The following POLA1 variants were observed in gnomAD, a reference collection of about 807,000 sequenced individuals.
The protein encoded by POLA1 is DNA polymerase alpha 1, catalytic subunit.
POLA1 carries 15 observed loss-of-function variants against 124.0 expected under a neutral mutation model. The ratio of observed to expected loss-of-function variants is 0.12; its 90% CI spans 0.08 to 0.19. The LOEUF (loss-of-function observed/expected upper bound fraction) is 0.19. Ranked by LOEUF, POLA1 falls within the 10% of genes least tolerant of loss-of-function variation. The probability of loss-of-function intolerance (pLI) is 1.00; values close to 1 mark genes in which losing one functional copy is unlikely to be tolerated. For missense variants in POLA1, 886 were observed against 1,103.4 expected, an observed-to-expected ratio of 0.80 and a Z score of 2.79; for synonymous variants, 408 against 389.4, an observed-to-expected ratio of 1.05 and a Z score of -0.56.
chrX:24,805,984 C>T (rs999605261), intron 26 of POLA1, among the ~76,000 whole-genome samples: 1 of 96,225 alleles, frequency 1.0e-5, no homozygotes. Context: ...TGTGTTTCTT[C>T]AATGGGGAAA....
chrX:24,709,302 C>A (rs1335383854), intron 4 of POLA1, among the ~76,000 whole-genome samples: 1 of 98,553 alleles, frequency 1.0e-5, no homozygotes, highest in Non-Finnish European at 2.1e-5. Context: ...CTGACCCCCC[C>A]ACCTCCCTCC....
intron 26 of POLA1, among the ~76,000 whole-genome samples, chrX:24,753,394 C>A (rs1932430130): frequency 1.8e-5 from 2 of 108,307 alleles, no homozygotes; most frequent in Non-Finnish European, 3.8e-5. Flanking sequence ...ACTTTCTTGC[C>A]CAGGCTGGAG....
chrX:24,747,600 G>T (rs1408812256), intron 24 of POLA1, among the ~76,000 whole-genome samples: 2 of 111,218 alleles, frequency 1.8e-5, no homozygotes, highest in Admixed American at 9.6e-5. Context: ...TAAAATAGTA[G>T]TTTAGCTGCT....
At chrX:24,992,799 G>A (rs1448212297) in intron 36 of POLA1, among the ~76,000 whole-genome samples, 1 of 112,622 alleles carries the variant, frequency 8.9e-6, no homozygotes, top group Non-Finnish European at 1.9e-5. Context: ...CATTTTATTT[G>A]ATCAGTTGAC....
intron 35 of POLA1, among the ~76,000 whole-genome samples, chrX:24,902,813 A>T (rs12854583): frequency 8.9e-6 from 1 of 112,373 alleles, no homozygotes; most frequent in Non-Finnish European, 1.9e-5. Context: ...AGTGACACAT[A>T]AAAAAGGATA....
chrX:24,741,651 A>G (rs1411146648), intron 21 of POLA1, 147 bp downstream of exon 21: 2 of 554,121 alleles, frequency 3.6e-6, no homozygotes, highest in Non-Finnish European at 5.7e-6. Context: ...TTGTAAAAGG[A>G]AGAACTGGTT....
At chrX:24,927,827 G>A (rs1431623867) in intron 35 of POLA1, among the ~76,000 whole-genome samples, 2 of 112,096 alleles carry the variant, frequency 1.8e-5, no homozygotes, top group Admixed American at 9.5e-5. Flanking sequence ...GGAAAAAAAC[G>A]CTGAAGATCT....
intron 36 of POLA1, among the ~76,000 whole-genome samples, chrX:24,971,301 C>A (rs1286356521): frequency 8.9e-6 from 1 of 112,222 alleles, no homozygotes; most frequent in Non-Finnish European, 1.9e-5. Context: ...ATGCCCCTTA[C>A]ACCTGACCTG....
At chrX:24,939,508 A>T (rs1601890726) in intron 36 of POLA1, among the ~76,000 whole-genome samples, 2 of 111,914 alleles carry the variant, frequency 1.8e-5, no homozygotes, top group African/African-American at 3.2e-5. Context: ...AATTGCATGT[A>T]CTTCCACTAA....
chrX:24,700,025 T>C (rs1408744648), intron 2 of POLA1, among the ~76,000 whole-genome samples: 2 of 101,095 alleles, frequency 2.0e-5, no homozygotes, highest in Admixed American at 1.1e-4. Flanking sequence ...AATGTGATGC[T>C]CTTTTGGTTT....
intron 36 of POLA1, among the ~76,000 whole-genome samples, chrX:24,956,284 C>T (rs1010538054): frequency 9.2e-6 from 1 of 109,201 alleles, no homozygotes; most frequent in Non-Finnish European, 1.9e-5. Flanking sequence ...CAAAGCAAGA[C>T]CCTGTCTTTA....
chrX:24,854,432 A>G (rs1484615015), intron 34 of POLA1, among the ~76,000 whole-genome samples: 3 of 112,142 alleles, frequency 2.7e-5, no homozygotes, highest in African/African-American at 9.7e-5. Flanking sequence ...GCAAATGTCA[A>G]CACAGTGAAA....
chrX:24,809,872 T>C (rs1466565522), intron 26 of POLA1, 26 bp from the exon 27 acceptor site: 53 of 963,130 alleles, frequency 5.5e-5, no homozygotes, highest in Non-Finnish European at 6.0e-5. Context: ...GTGTAACTTA[T>C]TAATCTTGAC....
intron 36 of POLA1, among the ~76,000 whole-genome samples, chrX:24,970,689 C>A (rs917899128): frequency 1.8e-5 from 2 of 111,998 alleles, no homozygotes; most frequent in African/African-American, 6.5e-5. Flanking sequence ...CCAAAAGATA[C>A]ATTCTTAAGT....
intron 36 of POLA1, among the ~76,000 whole-genome samples, chrX:24,931,185 T>G (rs1375605086): frequency 1.8e-5 from 2 of 111,646 alleles, no homozygotes; most frequent in Non-Finnish European, 3.8e-5. Context: ...ATGTTTGTTT[T>G]TTTTTTCTCC....
At chrX:24,742,838 A>C (rs1931755854) in intron 22 of POLA1, among the ~76,000 whole-genome samples, 1 of 111,945 alleles carries the variant, frequency 8.9e-6, no homozygotes, top group Non-Finnish European at 1.9e-5. Flanking sequence ...TAATACCTGC[A>C]TGAAGTATTT....
At chrX:24,837,492 C>T (rs1388675514) in intron 32 of POLA1, among the ~76,000 whole-genome samples, 1 of 112,103 alleles carries the variant, frequency 8.9e-6, no homozygotes, top group East Asian at 2.8e-4. Flanking sequence ...CCAGTTAATC[C>T]ATTCACTTGT....
At chrX:24,827,525 G>T (rs1466644425) in intron 32 of POLA1, among the ~76,000 whole-genome samples, 2 of 112,078 alleles carry the variant, frequency 1.8e-5, no homozygotes, top group East Asian at 5.6e-4. Flanking sequence ...TTCTTATTCA[G>T]TCTACGCAGT....
chrX:24,843,629 C>G lies in POLA1; in HGVS notation c.3999C>G (p.Ser1333Arg). ...CTCTGACCTTTACAGTACAACTGAG[C>G]AACAAATTGATCATGGACATTAGAC... ...ASPLTFTVQL[S>R]NKLIMDIRRF... is the part of the protein sequence containing the mutation. The change falls in exon 34 of 37, where the codon AGC becomes AGG. Residue 1333 changes from serine (S) to arginine (R), a missense_variant. Physicochemically the swap from Ser to Arg is moderately radical, Grantham distance 110. This residue lies in a region of POLA1 where 313 missense variants were observed against 359.7 expected (regional missense o/e 0.87). Coordinates refer to ENST00000379068, the MANE Select transcript of POLA1 (RefSeq NM_001330360.2). 1.7e-6 allele frequency: 2 copies of G among 1,182,977 alleles called. No homozygotes were observed. The highest frequency in any genetic ancestry group is 2.3e-6 in the Non-Finnish European group (2 of 873,958).
Sources: allele counts gnomAD v4.1 joint callset (sites outside exome capture counted in the v4.1 genomes callset), GRCh38; gene constraint gnomAD v4.1.1; regional missense constraint gnomAD v4.1.1; transcripts MANE v1.5; gene names NCBI Gene and HGNC (gene_info 2026-07-23, HGNC 2026-07-21).